The following FSTL4 variants were observed in gnomAD, a reference collection of about 807,000 sequenced individuals.
The protein encoded by FSTL4 is follistatin-related protein 4.
Under a neutral mutation model 78.2 loss-of-function variants are expected in FSTL4, and 28 were observed. The ratio of observed to expected loss-of-function variants is 0.36; its 90% CI spans 0.27 to 0.49. FSTL4 has a LOEUF of 0.49. Ranked by LOEUF, FSTL4 falls within the 20% of genes least tolerant of loss-of-function variation. The probability of loss-of-function intolerance (pLI) is 0.98; values close to 1 mark genes in which losing one functional copy is unlikely to be tolerated. For synonymous variants in FSTL4, 422 were observed against 440.5 expected, an observed-to-expected ratio of 0.96 and a Z score of 0.53; for missense variants, 922 against 1,084.9, an observed-to-expected ratio of 0.85 and a Z score of 2.11.
chr5:133,573,786 C>T (rs1429098742), intron 2 of FSTL4, among the ~76,000 whole-genome samples: 1 of 152,126 alleles, frequency 6.6e-6, no homozygotes, highest in Non-Finnish European at 1.5e-5. Context: ...AGTGTCCATT[C>T]GAGATTTATA....
In FSTL4 at chr5:133,316,613, T is replaced by A. The variant is rs145408619; in HGVS notation, c.449A>T (p.Asn150Ile). 2 of 1,613,926 alleles carry A rather than the reference T, an allele frequency of 1.2e-6. No individual in the cohort carries two copies. Among genetic ancestry groups the A allele is most frequent in the African/African-American group, 2.7e-5 (2 of 74,932 alleles). Residue 150 changes from asparagine (N) to isoleucine (I), a missense_variant, in exon 5 of 16, where the codon AAT (asparagine) becomes ATT (isoleucine). Coordinates refer to ENST00000265342, the MANE Select transcript of FSTL4 (RefSeq NM_015082.2). Reference sequence around the variant, plus strand: ...ACGGGTCTGGAGTGCCAGAAGGACATTCTTCAAGCGGGCGTAGCCGGCCAT... The same window carrying A: ...ACGGGTCTGGAGTGCCAGAAGGACAATCTTCAAGCGGGCGTAGCCGGCCAT... ...CTMAGYARLK[N>I]VLLALQTRLQ...
At chr5:133,828,028 T>C in the FSTL4 span, among the ~76,000 whole-genome samples, 3 of 152,298 alleles carry the variant, frequency 2.0e-5, no homozygotes, top group South Asian at 6.2e-4. Flanking sequence ...CCCCAACTCC[T>C]GTCCCTGGCG....
At chr5:133,446,490 T>C (rs1220080688) in intron 3 of FSTL4, among the ~76,000 whole-genome samples, 1 of 152,152 alleles carries the variant, frequency 6.6e-6, no homozygotes, top group Non-Finnish European at 1.5e-5. Flanking sequence ...TGGCTACCTG[T>C]TCCACACTGT....
chr5:133,766,857 G>A, the FSTL4 span, among the ~76,000 whole-genome samples: 5 of 152,178 alleles, frequency 3.3e-5, no homozygotes, highest in East Asian at 1.9e-4. Flanking sequence ...TGGGAGTGCC[G>A]GGTGGGTTCT....
chr5:133,486,771 T>C (rs1187434313), intron 3 of FSTL4, among the ~76,000 whole-genome samples: 1 of 151,978 alleles, frequency 6.6e-6, no homozygotes, highest in Non-Finnish European at 1.5e-5. Flanking sequence ...TGGCGGTGGG[T>C]GGGCGGAGCA....
chr5:133,230,195 C>G (rs1315726221), intron 8 of FSTL4, among the ~76,000 whole-genome samples: 1 of 152,178 alleles, frequency 6.6e-6, no homozygotes, highest in Non-Finnish European at 1.5e-5. Context: ...TGATAGGAAT[C>G]CTGCAGACCC....
At position 133,271,152 on chromosome 5, in the gene FSTL4, C is replaced by T. The variant is rs139138330; in HGVS notation, c.728-21576G>A. ...GTAACTGTGGGAATGTGATTCCTTT[C>T]GATGGCTCTTAATTTGCCCAATTGG... On this transcript the variant is annotated intron_variant, in intron 6 of 15. Coordinates refer to ENST00000265342, the MANE Select transcript of FSTL4 (RefSeq NM_015082.2). 6.1e-3 allele frequency among the ~76,000 whole-genome samples: 930 copies of T among 152,280 alleles called. 11 individuals are homozygous for T. The highest frequency in any genetic ancestry group is 0.021 in the African/African-American group (889 of 41,566).
chr5:133,402,481 T>C (rs556029287), intron 3 of FSTL4, among the ~76,000 whole-genome samples: 19 of 152,238 alleles, frequency 1.2e-4, no homozygotes, highest in African/African-American at 3.9e-4. Context: ...CTTTAAGTGT[T>C]AATTAAATCT....
the FSTL4 span, among the ~76,000 whole-genome samples, chr5:133,662,199 A>G: frequency 0.12 from 18,338 of 151,952 alleles, 1,206 homozygotes; most frequent in Admixed American, 0.23. Context: ...CAAACTCCCT[A>G]TATAGTGGCA....
Position 133,493,022 on chromosome 5 carries a change from T to C in FSTL4, c.160+74164A>G, listed in dbSNP as rs971227955. ...TTTATTGTATTATTAATTTAAATAA[T>C]GTTAATTTCTAGAAATTCTACTTTT... On this transcript the variant is annotated intron_variant, in intron 3 of 15. Coordinates refer to ENST00000265342, the MANE Select transcript of FSTL4 (RefSeq NM_015082.2). 2.6e-5 allele frequency among the ~76,000 whole-genome samples: 4 copies of C among 152,156 alleles called. No individual in the cohort carries two copies. In the East Asian group the frequency reaches 7.7e-4, roughly 29 times the overall value.
In FSTL4 at chr5:133,403,492, C is replaced by T. The variant is rs1187758261; in HGVS notation, c.161-2506G>A. On this transcript the variant is annotated intron_variant, in intron 3 of 15. Transcript: ENST00000265342. ...CTAGGCCTTGCTCCTCGTGTGGCCC[C>T]AGTATACTCAGGTTTTAAGAAATGC... Among the ~76,000 whole-genome samples the T allele has an allele frequency of 1.1e-4, 16 of 152,218 alleles. 1 individual carries two copies. The highest frequency in any genetic ancestry group is 1.0e-3 in the Admixed American group (16 of 15,280).
At chr5:133,328,581 T>C (rs1754270539) in intron 4 of FSTL4, among the ~76,000 whole-genome samples, 1 of 152,152 alleles carries the variant, frequency 6.6e-6, no homozygotes, top group South Asian at 2.1e-4. Flanking sequence ...ATTGTGTTAG[T>C]GGAAAACCTC....
chr5:133,223,039 A>G (rs1047283869), intron 11 of FSTL4, among the ~76,000 whole-genome samples: 1 of 152,204 alleles, frequency 6.6e-6, no homozygotes, highest in South Asian at 2.1e-4. Context: ...CTGATTTCAC[A>G]TTCCATGGGG....
At chr5:133,708,697 C>T in the FSTL4 span, among the ~76,000 whole-genome samples, 1 of 152,362 alleles carries the variant, frequency 6.6e-6, no homozygotes, top group East Asian at 1.9e-4. Context: ...ACATTACCTT[C>T]CCCTCTGGTT....
intron 3 of FSTL4, among the ~76,000 whole-genome samples, chr5:133,455,505 T>C (rs551397970): frequency 3.3e-5 from 5 of 152,202 alleles, no homozygotes; most frequent in African/African-American, 7.2e-5. Context: ...GTGTACCTCA[T>C]TGATTACATT....
chr5:133,349,295 C>CTGTGTGTGTGTGTG (rs1554107119), intron 4 of FSTL4, among the ~76,000 whole-genome samples: 38 of 139,770 alleles, frequency 2.7e-4, no homozygotes, highest in East Asian at 8.9e-4. Context: ...GCCTCTCTCT[C>CTGTGTGTGTGTGTG]TGTGTGTGTG....
At chr5:133,797,941 C>T in the FSTL4 span, among the ~76,000 whole-genome samples, 1 of 152,128 alleles carries the variant, frequency 6.6e-6, no homozygotes, top group African/African-American at 2.4e-5. Flanking sequence ...AGCACAGCCA[C>T]GAAAACCCAG....
At chr5:133,258,112 A>G (rs757972183) in intron 6 of FSTL4, among the ~76,000 whole-genome samples, 1 of 152,004 alleles carries the variant, frequency 6.6e-6, no homozygotes, top group Non-Finnish European at 1.5e-5. Flanking sequence ...ATTCCTGTGC[A>G]CTCATTATGA....
rs1753599803 is a variant in FSTL4 at position 133,303,738 on chromosome 5, G to A, written c.727+8916C>T. Among the ~76,000 whole-genome samples the A allele has an allele frequency of 2.0e-5, 3 of 152,232 alleles. No homozygotes were observed. In the South Asian group the frequency reaches 6.2e-4, roughly 31 times the overall value. ...CCAGAGAGGAAGGAAAGAGCAACAA[G>A]CTAGAGAACTGGTGATTGTGCCCTA... On this transcript the variant is annotated intron_variant, in intron 6 of 15. Transcript: ENST00000265342.
Sources: allele counts gnomAD v4.1 joint callset (sites outside exome capture counted in the v4.1 genomes callset), GRCh38; gene constraint gnomAD v4.1.1; transcripts MANE v1.5; gene names NCBI Gene and HGNC (gene_info 2026-07-23, HGNC 2026-07-21).